JARID2: variants seen among roughly 807,000 people sequenced by gnomAD.
The protein encoded by JARID2 is protein Jumonji.
JARID2 carries 21 observed loss-of-function variants against 125.6 expected under a neutral mutation model. The observed-to-expected ratio is 0.17, with a 90% confidence interval of 0.12 to 0.24. The LOEUF (loss-of-function observed/expected upper bound fraction) is 0.24, where lower values mean the gene tolerates loss of function less well. JARID2 is among the 10% of genes least tolerant of loss of function. JARID2 has a pLI of 1.00. For missense variants in JARID2, 1,303 were observed against 1,639.6 expected, an observed-to-expected ratio of 0.79 and a Z score of 3.55; for synonymous variants, 736 against 661.6, an observed-to-expected ratio of 1.11 and a Z score of -1.73.
At chr6:15,445,023 C>G (rs982869215) in intron 3 of JARID2, among the ~76,000 whole-genome samples, 5 of 152,006 alleles carry the variant, frequency 3.3e-5, no homozygotes, top group Non-Finnish European at 7.4e-5. Context: ...AAATCCTGGA[C>G]AGAAATAGGA....
At chr6:15,306,930 A>T (rs987568672) in intron 1 of JARID2, among the ~76,000 whole-genome samples, 6 of 148,166 alleles carry the variant, frequency 4.0e-5, no homozygotes, top group African/African-American at 1.5e-4. Flanking sequence ...AATGTATATT[A>T]TATATATATT....
chr6:15,276,845 G>T (rs1400612441), intron 1 of JARID2, among the ~76,000 whole-genome samples: 1 of 152,072 alleles, frequency 6.6e-6, no homozygotes, highest in Non-Finnish European at 1.5e-5. Context: ...ACATTGCTAT[G>T]GTAGTTTCTT....
chr6:15,434,003 T>C (rs1767093459), intron 3 of JARID2, among the ~76,000 whole-genome samples: 1 of 151,406 alleles, frequency 6.6e-6, no homozygotes, highest in Non-Finnish European at 1.5e-5. Context: ...AATATGTATG[T>C]GCCAGTGTAC....
At chr6:15,322,365 C>T (rs537204031) in intron 1 of JARID2, among the ~76,000 whole-genome samples, 1 of 152,348 alleles carries the variant, frequency 6.6e-6, no homozygotes, top group African/African-American at 2.4e-5. Flanking sequence ...GCCATATTCA[C>T]TATTATCACT....
chr6:15,438,660 G>A lies in JARID2; in HGVS notation c.324-13346G>A, dbSNP rs79587997. Reference sequence around the variant, plus strand: ...CTTCAATGGTGGCTTGCCTTCCTGTGGTGGGGGCAGCATAGCTTGAAAAGA... The same window carrying A: ...CTTCAATGGTGGCTTGCCTTCCTGTAGTGGGGGCAGCATAGCTTGAAAAGA... On this transcript the variant is annotated intron_variant, in intron 3 of 17. Coordinates refer to ENST00000341776, the MANE Select transcript of JARID2 (RefSeq NM_004973.4). Among the ~76,000 whole-genome samples, 496 of 152,228 alleles carry A rather than the reference G, an allele frequency of 3.3e-3. 5 individuals carry two copies. The highest frequency in any genetic ancestry group is 0.012 in the African/African-American group (482 of 41,520).
intron 1 of JARID2, among the ~76,000 whole-genome samples, chr6:15,313,782 C>T (rs999571140): frequency 6.6e-6 from 1 of 152,150 alleles, no homozygotes; most frequent in South Asian, 2.1e-4. Flanking sequence ...AAATGAATTT[C>T]TTCTTACTTG....
chr6:15,410,450 G>C, intron 3 of JARID2, 85 bp downstream of exon 3: 4 of 1,345,450 alleles, frequency 3.0e-6, no homozygotes, highest in Non-Finnish European at 2.1e-6. Context: ...GATAACGTGA[G>C]CCCATTCACC....
At chr6:15,312,608 G>C (rs1362624700) in intron 1 of JARID2, among the ~76,000 whole-genome samples, 6 of 152,136 alleles carry the variant, frequency 3.9e-5, no homozygotes, top group Non-Finnish European at 5.9e-5. Context: ...AAGCACTTTT[G>C]TGTCTACATC....
chr6:15,348,906 TTAC>T (rs2127478670), intron 1 of JARID2, among the ~76,000 whole-genome samples: 1 of 152,316 alleles, frequency 6.6e-6, no homozygotes, highest in East Asian at 1.9e-4. Context: ...AAAGAAATAC[TTAC>T]TTCAGTAGCA....
intron 1 of JARID2, among the ~76,000 whole-genome samples, chr6:15,267,550 C>T (rs577263126): frequency 6.6e-6 from 1 of 152,290 alleles, no homozygotes; most frequent in African/African-American, 2.4e-5. Flanking sequence ...TCTGAATGCT[C>T]TGGGAATGGA....
At chr6:15,490,291 A>T (rs1303590122) in intron 6 of JARID2, among the ~76,000 whole-genome samples, 2 of 152,166 alleles carry the variant, frequency 1.3e-5, no homozygotes, top group African/African-American at 4.8e-5. Context: ...GCTTAAAAGC[A>T]TAAATGTGAC....
intron 2 of JARID2, among the ~76,000 whole-genome samples, chr6:15,375,342 T>G (rs1764311750): frequency 6.6e-6 from 1 of 152,216 alleles, no homozygotes; most frequent in South Asian, 2.1e-4. Flanking sequence ...AGAGCCTCTG[T>G]CCACCCTCCC....
intron 1 of JARID2, among the ~76,000 whole-genome samples, chr6:15,348,530 C>A (rs938385712): frequency 6.6e-6 from 1 of 152,078 alleles, no homozygotes. Flanking sequence ...TTCATAAGCT[C>A]ATAGAAATGC....
chr6:15,501,458 G>C, intron 8 of JARID2, 49 bp downstream of exon 8: 3 of 1,496,800 alleles, frequency 2.0e-6, no homozygotes, highest in Non-Finnish European at 2.7e-6. Context: ...AGTGCGGGAG[G>C]AATGAGAGAG....
chr6:15,441,132 TACTC>T (rs571283470), intron 3 of JARID2, among the ~76,000 whole-genome samples: 2 of 152,328 alleles, frequency 1.3e-5, no homozygotes, highest in Admixed American at 1.3e-4. Context: ...GGTTTTCTGA[TACTC>T]ACCAAAAAAG....
At position 15,410,939 on chromosome 6, in the gene JARID2, T is replaced by G. The variant is rs1323996154; in HGVS notation, c.323+574T>G. On this transcript the variant is annotated intron_variant, in intron 3 of 17. Transcript: ENST00000341776. Reference sequence around the variant, plus strand: ...AGATAGTTTGGTAAGGAAGTTGGCTTTAGTAGTTTGATAACAGTTTGTGGT... The same window carrying G: ...AGATAGTTTGGTAAGGAAGTTGGCTGTAGTAGTTTGATAACAGTTTGTGGT... 3.9e-5 allele frequency among the ~76,000 whole-genome samples: 6 copies of G among 152,192 alleles called. No individual in the cohort carries two copies. The East Asian group carries it at 1.2e-3, about 29-fold the overall frequency.
intron 1 of JARID2, among the ~76,000 whole-genome samples, chr6:15,297,917 G>GA (rs11364502): frequency 2.4e-4 from 35 of 147,232 alleles, no homozygotes; most frequent in Admixed American, 1.2e-3. Flanking sequence ...AGTGGAAAAA[G>GA]AAAAAAAAAA....
chr6:15,296,031 T>G (rs1406667287), intron 1 of JARID2, among the ~76,000 whole-genome samples: 1 of 152,180 alleles, frequency 6.6e-6, no homozygotes, highest in Non-Finnish European at 1.5e-5. Flanking sequence ...GTCCAGCCAT[T>G]TCGTAAGGCT....
chr6:15,415,571 C>CCTCCCGGAT lies in JARID2; in HGVS notation c.323+5206_323+5207insCTCCCGGAT, dbSNP rs1056696452. Among the ~76,000 whole-genome samples the CCTCCCGGAT allele has an allele frequency of 3.0e-3, 444 of 146,632 alleles. 2 individuals are homozygous for CCTCCCGGAT. Among genetic ancestry groups the CCTCCCGGAT allele is most frequent in the African/African-American group, 0.011 (423 of 38,242 alleles). On this transcript the variant is annotated intron_variant, in intron 3 of 17. Coordinates refer to ENST00000341776, the MANE Select transcript of JARID2 (RefSeq NM_004973.4). ...GCAGAGGCGCCCCTCACCTCCCGGACGGGGCTGCTGGCCGGGCGGGGGGCT... is the reference window on the plus strand; with the variant it reads ...GCAGAGGCGCCCCTCACCTCCCGGACCTCCCGGATGGGGCTGCTGGCCGGGCGGGGGGCT...
Sources: allele counts gnomAD v4.1 joint callset (sites outside exome capture counted in the v4.1 genomes callset), GRCh38; gene constraint gnomAD v4.1.1; transcripts MANE v1.5; gene names NCBI Gene and HGNC (gene_info 2026-07-23, HGNC 2026-07-21).